SH3BP2: variants seen among roughly 807,000 people sequenced by gnomAD.
SH3BP2 encodes the protein SH3 domain binding protein 2, also known as SH3 domain-binding protein 2.
In SH3BP2, 38 loss-of-function variants were observed where a neutral mutation model predicts 56.2. The ratio of observed to expected loss-of-function variants is 0.68; its 90% CI spans 0.52 to 0.89. The LOEUF (loss-of-function observed/expected upper bound fraction) is 0.89, where lower values mean the gene tolerates loss of function less well. Ranked by LOEUF, SH3BP2 falls within the 40% of genes least tolerant of loss-of-function variation. The probability of loss-of-function intolerance (pLI) is 0.00; values close to 1 mark genes in which losing one functional copy is unlikely to be tolerated. For synonymous variants in SH3BP2, 346 were observed against 316.7 expected (o/e 1.09, Z -0.98); for missense variants, 748 against 762.6 (o/e 0.98, Z 0.23).
Position 2,824,626 on chromosome 4 carries a change from G to C in SH3BP2, c.253G>C (p.Ala85Pro). Residue 85 changes from alanine to proline, a missense_variant, in exon 4 of 13, where the codon GCT (alanine) becomes CCT (proline). Ala to Pro is a conservative substitution (Grantham distance 27). Transcript: ENST00000503393. ...LSGYNRVMRA[A>P]EETTSNNVFP... ...CTGTGCCCCCAGGGTGATGCGGGCGGCTGAGGAGACCACGTCCAACAACGT... is the reference window on the plus strand; with the variant it reads ...CTGTGCCCCCAGGGTGATGCGGGCGCCTGAGGAGACCACGTCCAACAACGT... The C allele has an allele frequency of 6.2e-7, 1 of 1,613,586 alleles. No individual in the cohort carries two copies. Among genetic ancestry groups the C allele is most frequent in the Non-Finnish European group, 8.5e-7 (1 of 1,179,880 alleles).
rs757550176 is a variant in SH3BP2, at chr4:2,829,774, G to A, written c.868G>A (p.Gly290Ser). ...PPLSTMPTAPGLRKPPCFRES... is the reference protein window; with the variant it reads ...PPLSTMPTAPSLRKPPCFRES... ...TCTGAGCACCATGCCCACCGCACCCGGCCTCCGGAAACCCCCTTGCTTCCG... is the reference window on the plus strand; with the variant it reads ...TCTGAGCACCATGCCCACCGCACCCAGCCTCCGGAAACCCCCTTGCTTCCG... The change falls in exon 8 of 13, where the codon GGC (glycine) becomes AGC (serine). Residue 290 changes from glycine (G) to serine (S), a missense_variant. Gly to Ser is a moderately conservative substitution (Grantham distance 56). Coordinates refer to ENST00000503393, the MANE Select transcript of SH3BP2 (RefSeq NM_001122681.2). The surrounding 1 kb of genome is among the most constrained non-coding windows in gnomAD (Gnocchi z 4.9). The A allele has an allele frequency of 8.7e-6, 14 of 1,612,868 alleles. No individual in the cohort carries two copies. The highest frequency in any genetic ancestry group is 2.2e-5 in the East Asian group (1 of 44,876).
rs1333862489 is a variant in SH3BP2, at chr4:2,827,652, C to T, written c.564C>T (p.Ser188=). Residue 188 remains serine, a synonymous_variant, in exon 7 of 13, where the codon TCC becomes TCT. Transcript: ENST00000503393. The part of the protein sequence containing the change: ...DEDDSYLEPD[S]PEPGRLEDAL... The stretch of plus-strand genomic sequence containing the variant: ...ATGACTCCTACCTGGAGCCTGACTC[C>T]CCGGAGCCCGGAAGGCTTGAGGGTA... The T allele has an allele frequency of 6.3e-7, 1 of 1,594,504 alleles. No homozygotes were observed. Among genetic ancestry groups the T allele is most frequent in the Non-Finnish European group, 8.5e-7 (1 of 1,170,228 alleles).
At position 2,834,034 on chromosome 4, in the gene SH3BP2, C is replaced by T. The variant is rs1725147132; in HGVS notation, c.*200C>T. ...TAGGGCTGAACCAGGCGCCAGGCTCCAGAGGACGAAGGGACTCTGTTGCCC... is the reference window on the plus strand; with the variant it reads ...TAGGGCTGAACCAGGCGCCAGGCTCTAGAGGACGAAGGGACTCTGTTGCCC... On this transcript the variant is annotated 3_prime_UTR_variant, in exon 13 of 13. Transcript: ENST00000503393. 1 of 632,560 alleles carries T rather than the reference C, an allele frequency of 1.6e-6. No individual in the cohort carries two copies. 39.2% of individuals were successfully genotyped at this position (632,560 alleles called of 1,614,324 possible).
intron 1 of SH3BP2, among the ~76,000 whole-genome samples, chr4:2,806,751 C>G (rs954914990): frequency 3.3e-5 from 5 of 152,242 alleles, no homozygotes; most frequent in African/African-American, 1.2e-4. Context: ...GTGGAGGCCC[C>G]CGGGCAGTCC....
At chr4:2,818,153 T>C in intron 1 of SH3BP2, 2 of 926,574 alleles carry the variant, frequency 2.2e-6, no homozygotes, top group Non-Finnish European at 2.6e-6. Flanking sequence ...CGCGCCGGGA[T>C]CCTCACCTGC....
intron 5 of SH3BP2, 44 bp downstream of exon 5, chr4:2,825,240 G>A (rs767391987): frequency 1.3e-6 from 2 of 1,506,768 alleles, no homozygotes; most frequent in South Asian, 1.2e-5. Context: ...GGGTCCCTGG[G>A]GCGCCTGGGC....
chr4:2,805,682 C>T (rs1428880170), intron 1 of SH3BP2, among the ~76,000 whole-genome samples: 1 of 151,832 alleles, frequency 6.6e-6, no homozygotes, highest in Non-Finnish European at 1.5e-5. Flanking sequence ...CGGGGGGTGC[C>T]GGGTGGGGGC....
chr4:2,824,829 T>C (rs1364132233), intron 4 of SH3BP2, 99 bp downstream of exon 4: 6 of 939,402 alleles, frequency 6.4e-6, no homozygotes, highest in African/African-American at 4.8e-5. Context: ...CCTGGGGCGC[T>C]GGCCTCTCAG....
intron 1 of SH3BP2, among the ~76,000 whole-genome samples, chr4:2,802,024 C>G (rs1723300901): frequency 6.6e-6 from 1 of 152,106 alleles, no homozygotes; most frequent in Non-Finnish European, 1.5e-5. Context: ...GTGAGAATTG[C>G]TTGAAACTGG....
chr4:2,823,048 G>T lies in SH3BP2; in HGVS notation c.239+11G>T. On this transcript the variant is annotated intron_variant, in intron 3 of 12. Transcript: ENST00000503393. ...GAGTGGCTATAACCGGTAAGTGCCC[G>T]ACCTGCCTGCTGACCTCGGGCCCCC... 6.2e-7 allele frequency: 1 copy of T among 1,600,678 alleles called. No individual in the cohort carries two copies. The highest frequency in any genetic ancestry group is 8.6e-7 in the Non-Finnish European group (1 of 1,168,794).
chr4:2,815,793 G>C (rs1723967249), intron 1 of SH3BP2, among the ~76,000 whole-genome samples: 1 of 152,130 alleles, frequency 6.6e-6, no homozygotes, highest in Admixed American at 6.5e-5. Context: ...GGGCTACCTG[G>C]GTGTCCCCCC....
At position 2,826,297 on chromosome 4, in the gene SH3BP2, CTGTG is replaced by C. The variant is rs368528643; in HGVS notation, c.429-922_429-919del. 36 of 71,852 alleles carry C rather than the reference CTGTG, an allele frequency of 5.0e-4. No homozygotes were observed. The South Asian group carries it at 0.02, about 39-fold the overall frequency. 4.5% of individuals were successfully genotyped at this position (71,852 alleles called of 1,614,324 possible). ...TGTGTGTGCATGTCCGCGTGTTGCT[CTGTG>C]TGTGTGTGTGCAATGTCCACGTGTT... is the stretch of plus-strand genomic sequence containing the variant. On this transcript the variant is annotated intron_variant, in intron 5 of 12. Transcript: ENST00000503393.
intron 1 of SH3BP2, among the ~76,000 whole-genome samples, chr4:2,815,498 C>G (rs1279566707): frequency 6.6e-6 from 1 of 152,230 alleles, no homozygotes; most frequent in African/African-American, 2.4e-5. Context: ...AGGCCTGCCC[C>G]TATCTGGCCA....
At chr4:2,825,594 G>GCA (rs140946265) in intron 5 of SH3BP2, among the ~76,000 whole-genome samples, 1 of 151,516 alleles carries the variant, frequency 6.6e-6, no homozygotes, top group Non-Finnish European at 1.5e-5. Context: ...ACACAGACAT[G>GCA]CACACACACA....
intron 2 of SH3BP2, among the ~76,000 whole-genome samples, chr4:2,822,670 A>C (rs1441105652): frequency 6.6e-6 from 1 of 152,128 alleles, no homozygotes; most frequent in African/African-American, 2.4e-5. Context: ...CAGCCCCCCA[A>C]ATCTACCTCT....
In SH3BP2 at chr4:2,833,803, G is replaced by A. The variant is rs374608155; in HGVS notation, c.1655G>A (p.Arg552Gln). 1.1e-4 allele frequency: 180 copies of A among 1,589,688 alleles called. No individual in the cohort carries two copies. The highest frequency in any genetic ancestry group is 5.4e-4 in the Admixed American group (31 of 56,988). ...VLPSHQSLLL[R>Q]HPYGYTGPR ...CCCAGCCACCAGAGCCTGCTGCTGC[G>A]GCACCCCTACGGCTACACTGGGCCT... is the stretch of plus-strand genomic sequence containing the variant. Residue 552 changes from arginine (R) to glutamine (Q), a missense_variant, in exon 13 of 13, where the codon CGG (arginine) becomes CAG (glutamine). Arg to Gln is a conservative substitution (Grantham distance 43). Transcript: ENST00000503393.
chr4:2,793,501 C>A (rs1196621035), intron 1 of SH3BP2, among the ~76,000 whole-genome samples: 1 of 146,514 alleles, frequency 6.8e-6, no homozygotes, highest in African/African-American at 2.5e-5. Context: ...CCCGAGGGAG[C>A]GCGGCTTCGG....
chr4:2,831,709 G>C lies in SH3BP2; in HGVS notation c.1350+30G>C, dbSNP rs755596924. 6.5e-7 allele frequency: 1 copy of C among 1,542,454 alleles called. No individual in the cohort carries two copies. The highest frequency in any genetic ancestry group is 8.8e-7 in the Non-Finnish European group (1 of 1,130,396). On this transcript the variant is annotated intron_variant, in intron 9 of 12. Transcript: ENST00000503393. The surrounding 1 kb of genome is among the most constrained non-coding windows in gnomAD (Gnocchi z 4.1). Reference sequence around the variant, plus strand: ...GGCTGAGCGGCAAGCCTGGGTCCCAGTGGCCAGTAGGTGGACAGGTGGTGG... The same window carrying C: ...GGCTGAGCGGCAAGCCTGGGTCCCACTGGCCAGTAGGTGGACAGGTGGTGG...
At chr4:2,826,721 GCT>G (rs1724668719) in intron 5 of SH3BP2, 1 of 358,590 alleles carries the variant, frequency 2.8e-6, no homozygotes, top group Non-Finnish European at 5.5e-6. Context: ...TCCGCATGTT[GCT>G]CTGTGTGTGT....
Sources: allele counts gnomAD v4.1 joint callset (sites outside exome capture counted in the v4.1 genomes callset), GRCh38; gene constraint gnomAD v4.1.1; non-coding constraint Gnocchi (gnomAD v3.1); transcripts MANE v1.5; gene names NCBI Gene and HGNC (gene_info 2026-07-23, HGNC 2026-07-21).